The following FMN1 variants were observed in gnomAD, a reference collection of about 807,000 sequenced individuals.
FMN1 encodes the protein formin-1.
In FMN1, 110 loss-of-function variants were observed where a neutral mutation model predicts 132.4. The ratio of observed to expected loss-of-function variants is 0.83; its 90% confidence interval spans 0.71 to 0.97. FMN1 has a LOEUF of 0.97. Among genes scored for constraint, FMN1 ranks in the 50% least tolerant of loss-of-function variants. The pLI is 0.00. For synonymous variants in FMN1, 722 were observed against 651.7 expected (o/e 1.11, Z -1.64); for missense variants, 1,792 against 1,705.3 (o/e 1.05, Z -0.90).
intron 17 of FMN1, among the ~76,000 whole-genome samples, chr15:32,828,534 A>G (rs1440222885): frequency 6.6e-6 from 1 of 151,224 alleles, no homozygotes; most frequent in Non-Finnish European, 1.5e-5. Context: ...GGGTTTTTGT[A>G]ACAGTGAATA....
chr15:33,179,166 A>T (rs1156390321), intron 3 of FMN1, among the ~76,000 whole-genome samples: 1 of 152,224 alleles, frequency 6.6e-6, no homozygotes, highest in Non-Finnish European at 1.5e-5. Flanking sequence ...AGGAGAGAAA[A>T]ATATGAAAAG....
At chr15:32,808,001 A>G (rs2057741086) in intron 17 of FMN1, among the ~76,000 whole-genome samples, 1 of 152,210 alleles carries the variant, frequency 6.6e-6, no homozygotes, top group South Asian at 2.1e-4. Context: ...AAACACAAAT[A>G]CATGACCTGG....
At chr15:33,068,007 G>A (rs1208699981) in intron 5 of FMN1, 17 of 1,455,630 alleles carry the variant, frequency 1.2e-5, no homozygotes, top group Non-Finnish European at 1.4e-5. Flanking sequence ...GAGTCAGGCT[G>A]TCAGCCGCAC....
chr15:33,083,583 C>T (rs1389914061), intron 5 of FMN1, among the ~76,000 whole-genome samples: 1 of 152,194 alleles, frequency 6.6e-6, no homozygotes, highest in Non-Finnish European at 1.5e-5. Flanking sequence ...GCTCTGGACC[C>T]TTCCAGACCT....
intron 6 of FMN1, among the ~76,000 whole-genome samples, chr15:33,032,789 A>AC (rs1455899413): frequency 6.6e-6 from 1 of 152,126 alleles, no homozygotes; most frequent in Non-Finnish European, 1.5e-5. Context: ...CCGATTCCAT[A>AC]CCCAGAAGGC....
chr15:33,028,008 C>A (rs2035760498), intron 6 of FMN1, among the ~76,000 whole-genome samples: 1 of 152,190 alleles, frequency 6.6e-6, no homozygotes, highest in African/African-American at 2.4e-5. Context: ...CTCACTTGGG[C>A]AAGTCAAAAT....
At chr15:33,110,855 A>G (rs913454902) in intron 4 of FMN1, among the ~76,000 whole-genome samples, 1 of 152,078 alleles carries the variant, frequency 6.6e-6, no homozygotes, top group Non-Finnish European at 1.5e-5. Context: ...TCCCACATTA[A>G]AACAATTTTT....
intron 4 of FMN1, among the ~76,000 whole-genome samples, chr15:33,124,720 A>G (rs1165698425): frequency 1.3e-5 from 2 of 152,048 alleles, no homozygotes; most frequent in African/African-American, 4.8e-5. Flanking sequence ...CTGGAAGGAG[A>G]GGGAGGAAAT....
intron 2 of FMN1, among the ~76,000 whole-genome samples, chr15:33,181,449 A>C (rs1965697731): frequency 6.6e-6 from 1 of 152,054 alleles, no homozygotes; most frequent in African/African-American, 2.4e-5. Context: ...CATGACCTCC[A>C]CACACAAAAG....
chr15:32,862,985 G>C (rs2059308187), intron 16 of FMN1, among the ~76,000 whole-genome samples: 5 of 152,164 alleles, frequency 3.3e-5, no homozygotes, highest in Admixed American at 3.3e-4. Flanking sequence ...CCTGCTCAAA[G>C]GACCGCCATA....
chr15:32,839,289 A>G (rs930032118), intron 17 of FMN1, among the ~76,000 whole-genome samples: 3 of 152,122 alleles, frequency 2.0e-5, no homozygotes, highest in South Asian at 2.1e-4. Flanking sequence ...CCATTCACGT[A>G]AAAGTCTCAA....
At chr15:32,907,273 C>A (rs149735242) in intron 12 of FMN1, among the ~76,000 whole-genome samples, 2 of 152,184 alleles carry the variant, frequency 1.3e-5, no homozygotes, top group African/African-American at 2.4e-5. Context: ...CCCTGATGGT[C>A]CCTCTAGCTT....
At position 32,952,424 on chromosome 15, in the gene FMN1, T is replaced by C. The variant is rs1186082831; in HGVS notation, c.3138+11683A>G. 4.6e-5 allele frequency among the ~76,000 whole-genome samples: 7 copies of C among 152,238 alleles called. No individual in the cohort carries two copies. The South Asian group carries it at 8.3e-4, about 18-fold the overall frequency. On this transcript the variant is annotated intron_variant, in intron 9 of 20. Coordinates refer to ENST00000616417, the MANE Select transcript of FMN1 (RefSeq NM_001277313.2). ...CTCATTTTATATAAATCTTTCTTTG[T>C]TAATTAATGTGTCTTATCCCAGTGT...
chr15:32,898,384 A>G (rs1439339009), intron 15 of FMN1, among the ~76,000 whole-genome samples: 1 of 152,232 alleles, frequency 6.6e-6, no homozygotes, highest in African/African-American at 2.4e-5. Flanking sequence ...ATGCCCTCTA[A>G]GCAGAAAAGA....
chr15:32,843,333 A>C (rs1375742358), intron 17 of FMN1, among the ~76,000 whole-genome samples: 1 of 152,294 alleles, frequency 6.6e-6, no homozygotes, highest in Non-Finnish European at 1.5e-5. Context: ...AACACGCTGG[A>C]ACCTATTTCA....
chr15:33,009,524 T>C (rs1457361237), intron 6 of FMN1, among the ~76,000 whole-genome samples: 1 of 152,216 alleles, frequency 6.6e-6, no homozygotes, highest in Non-Finnish European at 1.5e-5. Flanking sequence ...TTTCTTGCCA[T>C]TCCTTGAACT....
At position 32,785,186 on chromosome 15, in the gene FMN1, G is replaced by A. The variant is rs1287062860; in HGVS notation, c.4131-8267C>T. ...CGTGTGTGTGTGTGTGTGTGTGTGT[G>A]TGTGTGTGTGTGTGTATATATATAT... is the stretch of plus-strand genomic sequence containing the variant. On this transcript the variant is annotated intron_variant, in intron 19 of 20. Coordinates refer to ENST00000616417, the MANE Select transcript of FMN1 (RefSeq NM_001277313.2). Among the ~76,000 whole-genome samples the A allele has an allele frequency of 1.1e-3, 36 of 31,838 alleles. 1 individual carries two copies. The highest frequency in any genetic ancestry group is 3.8e-3 in the African/African-American group (33 of 8,574). 20.9% of individuals were successfully genotyped at this position (31,838 alleles called of 152,430 possible). A position where few individuals can be genotyped will look rare whatever the true frequency, so the allele number is the denominator to read the frequency against.
intron 6 of FMN1, among the ~76,000 whole-genome samples, chr15:33,034,725 T>A (rs1303520748): frequency 6.6e-6 from 1 of 152,092 alleles, no homozygotes; most frequent in East Asian, 1.9e-4. Flanking sequence ...AGCCACCACC[T>A]CCTGTGCAAA....
chr15:33,064,188 A>G (rs1053087106), intron 6 of FMN1: 1 of 152,264 alleles, frequency 6.6e-6, no homozygotes, highest in African/African-American at 2.4e-5. Context: ...ATAGACCTCA[A>G]TGCACACATA....
Sources: allele counts gnomAD v4.1 joint callset (sites outside exome capture counted in the v4.1 genomes callset), GRCh38; gene constraint gnomAD v4.1.1; transcripts MANE v1.5; gene names NCBI Gene and HGNC (gene_info 2026-07-23, HGNC 2026-07-21).